NALF1: variants seen among roughly 807,000 people sequenced by gnomAD.
NALF1 encodes NALCN channel auxiliary factor 1.
A neutral mutation model predicts 48.4 loss-of-function variants in NALF1; 3 were observed. That is an observed-to-expected ratio of 0.06 (90% CI 0.03 to 0.16). The LOEUF is 0.16. Among genes scored for constraint, NALF1 ranks in the 10% least tolerant of loss-of-function variants. NALF1 has a pLI of 1.00. For synonymous variants in NALF1, 262 were observed against 245.7 expected (o/e 1.07, Z -0.62); for missense variants, 526 against 571.5 (o/e 0.92, Z 0.81).
At chr13:107,413,548 A>C (rs1405838528) in intron 1 of NALF1, among the ~76,000 whole-genome samples, 1 of 152,178 alleles carries the variant, frequency 6.6e-6, no homozygotes, top group Non-Finnish European at 1.5e-5. Context: ...AAGTAAAATT[A>C]CACGATGTGT....
chr13:107,464,900 T>A (rs1884976717), intron 1 of NALF1, among the ~76,000 whole-genome samples: 1 of 152,224 alleles, frequency 6.6e-6, no homozygotes, highest in African/African-American at 2.4e-5. Flanking sequence ...TACCACTTGA[T>A]GAAATTTCAA....
intron 1 of NALF1, among the ~76,000 whole-genome samples, chr13:107,564,041 C>T (rs1439106706): frequency 2.6e-5 from 4 of 152,090 alleles, no homozygotes; most frequent in Non-Finnish European, 5.9e-5. Context: ...GCAGCATTTT[C>T]CAAACTTTCA....
chr13:107,465,654 A>G (rs1023691674), intron 1 of NALF1, among the ~76,000 whole-genome samples: 4 of 152,172 alleles, frequency 2.6e-5, no homozygotes, highest in African/African-American at 4.8e-5. Context: ...ATGGCTGTTG[A>G]TGAGATGGGG....
chr13:107,843,512 T>C (rs1275685170), intron 1 of NALF1, among the ~76,000 whole-genome samples: 1 of 152,172 alleles, frequency 6.6e-6, no homozygotes. Context: ...TGGAAACTTA[T>C]CTGCAATGCA....
At chr13:107,694,074 G>T (rs924959848) in intron 1 of NALF1, among the ~76,000 whole-genome samples, 6 of 152,152 alleles carry the variant, frequency 3.9e-5, no homozygotes. Flanking sequence ...AATACTTTTG[G>T]CTGCAAGTAG....
chr13:107,231,058 C>CAAA (rs3072074), intron 1 of NALF1, among the ~76,000 whole-genome samples: 17 of 83,550 alleles, frequency 2.0e-4, no homozygotes, highest in Non-Finnish European at 2.1e-4. Flanking sequence ...AAGACCCGGC[C>CAAA]AAAAAAAAAA....
chr13:107,568,379 T>C (rs1191417377), intron 1 of NALF1, among the ~76,000 whole-genome samples: 1 of 152,218 alleles, frequency 6.6e-6, no homozygotes, highest in Non-Finnish European at 1.5e-5. Flanking sequence ...CATTTCCTGT[T>C]AGGGGCTATC....
Position 107,554,172 on chromosome 13 carries a change from C to T in NALF1, c.915+311510G>A, listed in dbSNP as rs140737351. Among the ~76,000 whole-genome samples, 35 of 152,250 alleles carry T rather than the reference C, an allele frequency of 2.3e-4. No homozygotes were observed. The East Asian group carries it at 4.4e-3, about 19-fold the overall frequency. ...TGGCAGACGCACTCTGAGCTGAGCCCGGAGCCGAACTCGAGGCTGTGCCAC... is the reference window on the plus strand; with the variant it reads ...TGGCAGACGCACTCTGAGCTGAGCCTGGAGCCGAACTCGAGGCTGTGCCAC... On this transcript the variant is annotated intron_variant, in intron 1 of 2. Coordinates refer to ENST00000375915, the MANE Select transcript of NALF1 (RefSeq NM_001080396.3).
chr13:107,476,922 T>C (rs8002726), intron 1 of NALF1, among the ~76,000 whole-genome samples: 14,984 of 152,084 alleles, frequency 0.099, 1,081 homozygotes, highest in African/African-American at 0.2. Context: ...AGTAGAGAAT[T>C]AAAATGGACA....
chr13:107,489,057 G>A (rs969728366), intron 1 of NALF1, among the ~76,000 whole-genome samples: 2 of 152,090 alleles, frequency 1.3e-5, no homozygotes, highest in Non-Finnish European at 2.9e-5. Context: ...TAGGAATACA[G>A]TTAACTAGGA....
In NALF1 at chr13:107,505,296, G is replaced by A. The variant is rs543446959; in HGVS notation, c.916-294541C>T. Among the ~76,000 whole-genome samples the A allele has an allele frequency of 1.4e-3, 206 of 152,346 alleles. 2 individuals are homozygous for A. The highest frequency in any genetic ancestry group is 3.5e-3 in the South Asian group (17 of 4,826). On this transcript the variant is annotated intron_variant, in intron 1 of 2. Transcript: ENST00000375915. ...GAGGTAAAGTGCAAGGACAAGAGGA[G>A]GGAGCAGCAGGTGCAGGCCTGGAGG...
intron 1 of NALF1, among the ~76,000 whole-genome samples, chr13:107,627,011 C>T (rs867208038): frequency 6.6e-6 from 1 of 152,074 alleles, no homozygotes; most frequent in Non-Finnish European, 1.5e-5. Flanking sequence ...TCATTCTTCT[C>T]TATGACATTA....
At chr13:107,445,253 T>C (rs1292051632) in intron 1 of NALF1, among the ~76,000 whole-genome samples, 1 of 152,180 alleles carries the variant, frequency 6.6e-6, no homozygotes, top group East Asian at 1.9e-4. Flanking sequence ...CTCTGCCCTC[T>C]CTCCGAAGTC....
rs567763754 is a variant in NALF1, at chr13:107,559,710, C to T, written c.915+305972G>A. Among the ~76,000 whole-genome samples, 3 of 152,310 alleles carry T rather than the reference C, an allele frequency of 2.0e-5. No individual in the cohort carries two copies. The East Asian group carries it at 5.8e-4, about 29-fold the overall frequency. ...CAGCATCAGCATCAAACCTTTGCAACAACAGCAAAAGCTTTAGGGTTGCTA... is the reference window on the plus strand; with the variant it reads ...CAGCATCAGCATCAAACCTTTGCAATAACAGCAAAAGCTTTAGGGTTGCTA... On this transcript the variant is annotated intron_variant, in intron 1 of 2. Transcript: ENST00000375915.
chr13:107,860,316 T>G (rs1880537586), intron 1 of NALF1, among the ~76,000 whole-genome samples: 1 of 152,212 alleles, frequency 6.6e-6, no homozygotes, highest in South Asian at 2.1e-4. Flanking sequence ...TAAAAATATC[T>G]GAGTTATACT....
chr13:107,782,176 GC>G (rs1301236107), intron 1 of NALF1, among the ~76,000 whole-genome samples: 1 of 152,170 alleles, frequency 6.6e-6, no homozygotes, highest in Non-Finnish European at 1.5e-5. Flanking sequence ...GCCTCAGCCT[GC>G]CGAGTGCCTG....
intron 1 of NALF1, among the ~76,000 whole-genome samples, chr13:107,444,489 T>C (rs1302078282): frequency 6.6e-6 from 1 of 151,536 alleles, no homozygotes; most frequent in Non-Finnish European, 1.5e-5. Flanking sequence ...AGTATACTTA[T>C]TCTATAAATA....
chr13:107,518,864 C>A (rs1346185302), intron 1 of NALF1, among the ~76,000 whole-genome samples: 1 of 152,132 alleles, frequency 6.6e-6, no homozygotes, highest in Non-Finnish European at 1.5e-5. Context: ...AACGAGATAA[C>A]AAGGCCAGAG....
chr13:107,718,614 T>G (rs74112584), intron 1 of NALF1, among the ~76,000 whole-genome samples: 2,256 of 152,302 alleles, frequency 0.015, 56 homozygotes, highest in African/African-American at 0.052. Context: ...CAAAGAGTTG[T>G]GTGAAACTGG....
Sources: gnomAD v4.1 joint callset for allele counts (sites outside exome capture counted in the v4.1 genomes callset) on GRCh38, gnomAD v4.1.1 for gene constraint, MANE v1.5 for transcripts, NCBI Gene and HGNC (gene_info 2026-07-23, HGNC 2026-07-21) for gene names.